The following DPH6 variants were observed in gnomAD, a reference collection of about 807,000 sequenced individuals.
DPH6 encodes the protein diphthamine biosynthesis 6.
Under a neutral mutation model 38.2 loss-of-function variants are expected in DPH6, and 33 were observed. That is an observed-to-expected ratio of 0.86 (90% CI 0.65 to 1.15). DPH6 has a LOEUF of 1.15. Among genes scored for constraint, DPH6 ranks in the 50% most tolerant of loss-of-function variants. DPH6 has a pLI of 0.00. For missense variants in DPH6, 325 were observed against 320.0 expected (o/e 1.02, Z -0.12); for synonymous variants, 108 against 103.0 (o/e 1.05, Z -0.30).
intron 3 of DPH6, among the ~76,000 whole-genome samples, chr15:35,286,170 A>C (rs2051942708): frequency 1.3e-5 from 2 of 152,146 alleles, no homozygotes; most frequent in Non-Finnish European, 1.5e-5. Context: ...AGATTAAAAA[A>C]CACAAACTAC....
intron 3 of DPH6, among the ~76,000 whole-genome samples, chr15:35,508,075 G>C (rs974128179): frequency 6.6e-6 from 1 of 152,066 alleles, no homozygotes; most frequent in African/African-American, 2.4e-5. Context: ...AAGAGGCTCG[G>C]CAGGAGGACT....
At chr15:35,150,867 A>G in the DPH6 span, among the ~76,000 whole-genome samples, 1 of 152,240 alleles carries the variant, frequency 6.6e-6, no homozygotes, top group South Asian at 2.1e-4. Flanking sequence ...TTAATAATCG[A>G]AATAAAAACA....
At chr15:35,534,886 C>T (rs2055145544) in intron 3 of DPH6, among the ~76,000 whole-genome samples, 1 of 152,156 alleles carries the variant, frequency 6.6e-6, no homozygotes, top group African/African-American at 2.4e-5. Flanking sequence ...GGTCTCACAT[C>T]CACACATCTC....
At chr15:35,529,042 C>A (rs931094745) in intron 3 of DPH6, among the ~76,000 whole-genome samples, 3 of 152,184 alleles carry the variant, frequency 2.0e-5, no homozygotes, top group Non-Finnish European at 4.4e-5. Context: ...TTCCTGCTTA[C>A]AAGACTTTGG....
chr15:35,168,438 G>A, the DPH6 span, among the ~76,000 whole-genome samples: 448 of 152,018 alleles, frequency 2.9e-3, 1 homozygote, highest in Middle Eastern at 6.8e-3. Flanking sequence ...CCTCTTTACC[G>A]ATAATTTAAT....
intron 5 of DPH6, among the ~76,000 whole-genome samples, chr15:35,415,481 G>A (rs775867598): frequency 3.9e-5 from 6 of 151,950 alleles, no homozygotes; most frequent in Non-Finnish European, 8.8e-5. Flanking sequence ...CTTTTAATTC[G>A]TTGCAGAGTA....
At chr15:35,534,377 C>CAAAAAAAAAAAAAAAAAA (rs55974798) in intron 3 of DPH6, among the ~76,000 whole-genome samples, 1 of 104,220 alleles carries the variant, frequency 9.6e-6, no homozygotes, top group Non-Finnish European at 2.0e-5. Context: ...AACTCTGTCT[C>CAAAAAAAAAAAAAAAAAA]AAAAAAAAAA....
intron 3 of DPH6, among the ~76,000 whole-genome samples, chr15:35,352,902 G>T (rs2052527782): frequency 1.3e-5 from 2 of 152,196 alleles, no homozygotes; most frequent in Admixed American, 1.3e-4. Context: ...CACCAACAGT[G>T]TAAAAGTGTT....
At chr15:35,437,588 T>A (rs116427976) in intron 5 of DPH6, among the ~76,000 whole-genome samples, 1,740 of 152,244 alleles carry the variant, frequency 0.011, 25 homozygotes, top group African/African-American at 0.04. Context: ...TTCTGTAAAG[T>A]TTTAATTATG....
chr15:35,342,130 G>A (rs959672052), intron 3 of DPH6, among the ~76,000 whole-genome samples: 7 of 152,186 alleles, frequency 4.6e-5, no homozygotes, highest in African/African-American at 1.7e-4. Context: ...GAATGATGCT[G>A]CTTGGCTCCC....
At chr15:35,191,912 C>A in the DPH6 span, among the ~76,000 whole-genome samples, 2 of 152,152 alleles carry the variant, frequency 1.3e-5, no homozygotes, top group Admixed American at 1.3e-4. Context: ...CAATTTTATT[C>A]GGTTGAGAGT....
downstream of DPH6, among the ~76,000 whole-genome samples, chr15:35,330,017 T>G (rs1457802071): frequency 6.6e-6 from 1 of 152,170 alleles, no homozygotes; most frequent in Non-Finnish European, 1.5e-5. Context: ...TACTAGAGAA[T>G]TTTTGCATTA....
At chr15:35,459,606 T>C (rs2054037658) in intron 3 of DPH6, among the ~76,000 whole-genome samples, 1 of 152,206 alleles carries the variant, frequency 6.6e-6, no homozygotes. Context: ...CAGTATATAC[T>C]TGAAGCCACG....
chr15:35,544,986 T>C (rs1338250518), intron 1 of DPH6, among the ~76,000 whole-genome samples: 2 of 152,224 alleles, frequency 1.3e-5, no homozygotes, highest in Admixed American at 6.5e-5. Flanking sequence ...CAATAATTAT[T>C]GTGACATTAT....
chr15:35,512,351 T>C (rs2054786555), intron 3 of DPH6, among the ~76,000 whole-genome samples: 1 of 152,020 alleles, frequency 6.6e-6, no homozygotes, highest in South Asian at 2.1e-4. Context: ...CAGAACCTAG[T>C]AGAAAAAAAA....
the DPH6 span, among the ~76,000 whole-genome samples, chr15:35,162,081 CTTGA>C: frequency 6.6e-6 from 1 of 151,848 alleles, no homozygotes; most frequent in Non-Finnish European, 1.5e-5. Context: ...TACCCTGCAT[CTTGA>C]TTATTTCTTG....
intron 3 of DPH6, among the ~76,000 whole-genome samples, chr15:35,318,198 A>G: frequency 1.3e-5 from 2 of 152,146 alleles, no homozygotes; most frequent in East Asian, 3.8e-4. Flanking sequence ...AAAAAGGTGG[A>G]AAAAGATATA....
At chr15:35,497,787 A>G (rs2054576252) in intron 3 of DPH6, among the ~76,000 whole-genome samples, 2 of 152,330 alleles carry the variant, frequency 1.3e-5, no homozygotes, top group African/African-American at 4.8e-5. Flanking sequence ...TTATTATCCA[A>G]TGTCATTCCA....
the DPH6 span, among the ~76,000 whole-genome samples, chr15:35,174,853 TATC>T: frequency 6.6e-6 from 1 of 152,344 alleles, no homozygotes; most frequent in South Asian, 2.1e-4. Context: ...GGGTGTCTAA[TATC>T]ATCATGATTC....
Sources: allele counts gnomAD v4.1 joint callset (sites outside exome capture counted in the v4.1 genomes callset), GRCh38; gene constraint gnomAD v4.1.1; transcripts MANE v1.5; gene names NCBI Gene and HGNC (gene_info 2026-07-23, HGNC 2026-07-21).